SCFD2: variants seen among roughly 807,000 people sequenced by gnomAD.
The protein encoded by SCFD2 is sec1 family domain-containing protein 2.
In SCFD2, 54 loss-of-function variants were observed where a neutral mutation model predicts 58.9. That is an observed-to-expected ratio of 0.92 (90% CI 0.74 to 1.15). The LOEUF (loss-of-function observed/expected upper bound fraction) is 1.15. Ranked by LOEUF, SCFD2 falls within the 50% of genes most tolerant of loss-of-function variation. The probability of loss-of-function intolerance (pLI) is 0.00; values close to 1 mark genes in which losing one functional copy is unlikely to be tolerated. For missense variants in SCFD2, 805 were observed against 836.6 expected (o/e 0.96, Z 0.47); for synonymous variants, 321 against 335.9 (o/e 0.96, Z 0.49).
At chr4:53,284,360 G>C (rs1198151981) in intron 3 of SCFD2, among the ~76,000 whole-genome samples, 4 of 151,996 alleles carry the variant, frequency 2.6e-5, no homozygotes, top group African/African-American at 2.4e-5. Context: ...AGTTGGAAAG[G>C]CAAGACAACA....
chr4:53,008,792 G>A (rs567148784), intron 5 of SCFD2, among the ~76,000 whole-genome samples: 67 of 152,344 alleles, frequency 4.4e-4, no homozygotes, highest in Admixed American at 1.8e-3. Context: ...GGCATGAACT[G>A]AAACTTAATA....
intron 5 of SCFD2, among the ~76,000 whole-genome samples, chr4:53,029,772 G>A (rs1436076387): frequency 1.3e-5 from 2 of 152,178 alleles, no homozygotes; most frequent in Non-Finnish European, 1.5e-5. Flanking sequence ...ACTACCATCT[G>A]TAATCCAAAA....
intron 4 of SCFD2, among the ~76,000 whole-genome samples, chr4:53,147,381 T>A (rs865834687): frequency 6.6e-6 from 1 of 152,166 alleles, no homozygotes; most frequent in Non-Finnish European, 1.5e-5. Flanking sequence ...CTGGAAAAAT[T>A]TGGATAGATC....
intron 4 of SCFD2, among the ~76,000 whole-genome samples, chr4:53,164,952 A>G (rs1726964269): frequency 6.6e-6 from 1 of 152,176 alleles, no homozygotes; most frequent in Non-Finnish European, 1.5e-5. Flanking sequence ...AGTAGCAACA[A>G]TGCTATAACA....
intron 4 of SCFD2, among the ~76,000 whole-genome samples, chr4:53,266,592 A>G (rs985493291): frequency 6.6e-6 from 1 of 152,234 alleles, no homozygotes; most frequent in African/African-American, 2.4e-5. Flanking sequence ...ACACCATTTC[A>G]CCAAATTAAA....
intron 4 of SCFD2, among the ~76,000 whole-genome samples, chr4:53,161,200 A>G (rs1726842249): frequency 6.6e-6 from 1 of 152,194 alleles, no homozygotes; most frequent in Admixed American, 6.5e-5. Context: ...GTTGTTGATA[A>G]TCTTCCAGGT....
At chr4:53,102,694 G>A (rs1458097201) in intron 5 of SCFD2, among the ~76,000 whole-genome samples, 3 of 151,990 alleles carry the variant, frequency 2.0e-5, no homozygotes, top group African/African-American at 4.8e-5. Flanking sequence ...TCATCCATCA[G>A]TTTGACAAAA....
At chr4:53,361,474 G>A (rs1734546640) in intron 1 of SCFD2, among the ~76,000 whole-genome samples, 1 of 152,180 alleles carries the variant, frequency 6.6e-6, no homozygotes. Flanking sequence ...ACAGCTTACT[G>A]CAGCTTCAAA....
At chr4:52,935,158 G>T (rs902856342) in intron 5 of SCFD2, among the ~76,000 whole-genome samples, 5 of 152,148 alleles carry the variant, frequency 3.3e-5, no homozygotes, top group African/African-American at 1.2e-4. Flanking sequence ...ACAATGAATT[G>T]GAACTTCCCA....
chr4:53,361,734 T>C (rs1032021168), intron 1 of SCFD2, among the ~76,000 whole-genome samples: 3 of 152,238 alleles, frequency 2.0e-5, no homozygotes, highest in African/African-American at 7.2e-5. Flanking sequence ...GACTAGCTAA[T>C]ATCATTATTT....
At chr4:53,048,995 C>T (rs1171341979) in intron 5 of SCFD2, among the ~76,000 whole-genome samples, 6 of 152,102 alleles carry the variant, frequency 3.9e-5, no homozygotes, top group African/African-American at 1.4e-4. Context: ...AAACATTAAT[C>T]TTAGGAATCT....
At chr4:53,299,260 G>A (rs1003171488) in intron 3 of SCFD2, among the ~76,000 whole-genome samples, 10 of 152,212 alleles carry the variant, frequency 6.6e-5, no homozygotes, top group Non-Finnish European at 5.9e-5. Flanking sequence ...AGGACCTGAT[G>A]GAGCTGAAAA....
intron 3 of SCFD2, among the ~76,000 whole-genome samples, chr4:53,301,519 G>GTA (rs1335242431): frequency 6.6e-6 from 1 of 151,904 alleles, no homozygotes; most frequent in Non-Finnish European, 1.5e-5. Flanking sequence ...TTCTACCAGA[G>GTA]GTACAAGGAG....
At chr4:53,317,854 C>T (rs148593530) in intron 2 of SCFD2, among the ~76,000 whole-genome samples, 1 of 152,298 alleles carries the variant, frequency 6.6e-6, no homozygotes, top group East Asian at 1.9e-4. Context: ...TTATAAGAAT[C>T]AAATGGGCTA....
intron 5 of SCFD2, among the ~76,000 whole-genome samples, chr4:52,997,454 C>T (rs562387606): frequency 6.6e-6 from 1 of 152,314 alleles, no homozygotes; most frequent in South Asian, 2.1e-4. Flanking sequence ...CCCAGGAGCA[C>T]GTGCAGAAAG....
intron 4 of SCFD2, among the ~76,000 whole-genome samples, chr4:53,256,910 CGGGGAGGGGGAG>C (rs1265707809): frequency 5.7e-4 from 4 of 6,976 alleles, no homozygotes; most frequent in Non-Finnish European, 1.3e-3. Flanking sequence ...GGGAGGGGGA[CGGGGAGGGGGAG>C]GGGGAGGGGG....
At chr4:53,156,513 C>T (rs762242990) in intron 4 of SCFD2, among the ~76,000 whole-genome samples, 9 of 151,622 alleles carry the variant, frequency 5.9e-5, no homozygotes, top group East Asian at 1.9e-4. Flanking sequence ...CTGACTAACA[C>T]GGTGAAACCC....
intron 2 of SCFD2, among the ~76,000 whole-genome samples, chr4:53,329,215 T>G (rs942609793): frequency 3.3e-5 from 5 of 152,140 alleles, no homozygotes; most frequent in Admixed American, 6.5e-5. Context: ...CAAAGCAGCC[T>G]GGAAGCTCGA....
chr4:53,094,723 A>G (rs566843999), intron 5 of SCFD2, among the ~76,000 whole-genome samples: 1 of 152,202 alleles, frequency 6.6e-6, no homozygotes, highest in African/African-American at 2.4e-5. Context: ...TCTTAAAAAA[A>G]AAAATCTCTG....
Sources: allele counts gnomAD v4.1 joint callset (sites outside exome capture counted in the v4.1 genomes callset), GRCh38; gene constraint gnomAD v4.1.1; transcripts MANE v1.5; gene names NCBI Gene and HGNC (gene_info 2026-07-23, HGNC 2026-07-21).